Variants in DLEU7 observed in about 807,000 individuals in gnomAD.
DLEU7 encodes the protein leukemia-associated protein 7.
DLEU7 carries 17 observed loss-of-function variants against 16.0 expected under a neutral mutation model. The ratio of observed to expected loss-of-function variants is 1.06; its 90% confidence interval spans 0.73 to 1.59. The LOEUF (loss-of-function observed/expected upper bound fraction) is 1.59. Ranked by LOEUF, DLEU7 falls within the 40% of genes most tolerant of loss-of-function variation. DLEU7 has a pLI of 0.00. For missense variants in DLEU7, 308 were observed against 314.9 expected (o/e 0.98, Z 0.17); for synonymous variants, 113 against 139.8 (o/e 0.81, Z 1.35).
chr13:50,777,355 G>A (rs1875533002), intron 1 of DLEU7, among the ~76,000 whole-genome samples: 1 of 152,184 alleles, frequency 6.6e-6, no homozygotes, highest in Non-Finnish European at 1.5e-5. Flanking sequence ...CTGCCAGCAT[G>A]GCCCGGATAA....
chr13:50,729,032 G>A (rs1313147149), intron 1 of DLEU7, among the ~76,000 whole-genome samples: 1 of 151,664 alleles, frequency 6.6e-6, no homozygotes, highest in Non-Finnish European at 1.5e-5. Context: ...TTATTTATTT[G>A]TCTGTTGTTT....
intron 1 of DLEU7, among the ~76,000 whole-genome samples, chr13:50,787,495 G>A (rs1875819067): frequency 6.6e-6 from 1 of 152,022 alleles, no homozygotes; most frequent in Non-Finnish European, 1.5e-5. Flanking sequence ...TCAAAGGGCG[G>A]CACCCCTCAC....
intron 1 of DLEU7, among the ~76,000 whole-genome samples, chr13:50,812,069 C>CA (rs35178818): frequency 0.7 from 73,129 of 104,474 alleles, 26,210 homozygotes; most frequent in East Asian, 0.88. Context: ...GATTCCATCT[C>CA]AAAAAAAAAA....
intron 1 of DLEU7, among the ~76,000 whole-genome samples, chr13:50,841,428 C>T (rs1877655799): frequency 6.6e-6 from 1 of 152,076 alleles, no homozygotes; most frequent in Non-Finnish European, 1.5e-5. Flanking sequence ...CTCTGAGAAG[C>T]CTTCCAGGGT....
chr13:50,783,668 G>A (rs180727853), intron 1 of DLEU7, among the ~76,000 whole-genome samples: 4 of 152,274 alleles, frequency 2.6e-5, no homozygotes, highest in African/African-American at 4.8e-5. Flanking sequence ...GGCCAATAGC[G>A]TCTCTGCCAC....
At chr13:50,792,912 A>G (rs1876004836) in intron 1 of DLEU7, among the ~76,000 whole-genome samples, 1 of 150,162 alleles carries the variant, frequency 6.7e-6, no homozygotes, top group Admixed American at 6.6e-5. Context: ...GTACATGCAC[A>G]GTTTCGTTAC....
intron 1 of DLEU7, among the ~76,000 whole-genome samples, chr13:50,739,859 G>A (rs908235487): frequency 6.6e-6 from 1 of 152,066 alleles, no homozygotes; most frequent in African/African-American, 2.4e-5. Context: ...GATACATAAT[G>A]ACACTAGACT....
At chr13:50,739,202 C>T (rs371865409) in intron 1 of DLEU7, among the ~76,000 whole-genome samples, 16 of 152,126 alleles carry the variant, frequency 1.1e-4, no homozygotes, top group African/African-American at 2.9e-4. Context: ...AAATTCTTCT[C>T]GGACCTCTCA....
At chr13:50,771,513 C>T (rs7984118) in intron 1 of DLEU7, among the ~76,000 whole-genome samples, 23,721 of 152,124 alleles carry the variant, frequency 0.16, 2,187 homozygotes, top group East Asian at 0.28. Flanking sequence ...GCCTGCATTT[C>T]GTTATGTACC....
At chr13:50,804,311 A>C (rs1876330812) in intron 1 of DLEU7, among the ~76,000 whole-genome samples, 1 of 151,784 alleles carries the variant, frequency 6.6e-6, no homozygotes, top group South Asian at 2.1e-4. Flanking sequence ...AGAATTGAAA[A>C]CTGTCTGATA....
Position 50,726,179 on chromosome 13 carries a change from C to G in DLEU7, c.460-12939G>C, listed in dbSNP as rs1373871314. ...CCTTAGGACACTTAGGTAACATGGC[C>G]TTGCCAACCTCTGGGTGCTATTAGA... On this transcript the variant is annotated intron_variant, in intron 1 of 1. Coordinates refer to the DLEU7 transcript ENST00000400393. This position sits in a 1 kb window ranked among gnomAD's most constrained non-coding sequence, Gnocchi z 4.0. Among the ~76,000 whole-genome samples the G allele has an allele frequency of 6.6e-6, 1 of 152,198 alleles. No homozygotes were observed. Among genetic ancestry groups the G allele is most frequent in the East Asian group, 1.9e-4 (1 of 5,200 alleles).
chr13:50,766,472 T>C (rs199935850), intron 1 of DLEU7, among the ~76,000 whole-genome samples: 7 of 101,198 alleles, frequency 6.9e-5, no homozygotes, highest in African/African-American at 2.0e-4. Context: ...TTGTCTTCCT[T>C]CTCTTCCTAC....
chr13:50,843,503 G>A lies in DLEU7; in HGVS notation c.144C>T (p.Thr48=). 2 of 1,396,348 alleles carry A rather than the reference G, an allele frequency of 1.4e-6. No individual in the cohort carries two copies. Among genetic ancestry groups the A allele is most frequent in the Non-Finnish European group, 1.8e-6 (2 of 1,085,644 alleles). The allele number at this position is 1,396,348 out of a possible 1,614,324, so 86.5% of individuals were successfully genotyped here. Residue 48 remains threonine (T), a synonymous_variant, in exon 1 of 2, where the codon ACC becomes ACT. Coordinates refer to ENST00000504404, the MANE Select transcript of DLEU7 (RefSeq NM_001306135.2). The surrounding 1 kb of genome is among the most constrained non-coding windows in gnomAD (Gnocchi z 5.7). ...GNPRDPDHVS[T]APARRSGPPR... ...GCGGGCCTGAGCGACGGGCTGGAGC[G>A]GTGGACACGTGGTCTGGGTCCCGCG...
chr13:50,716,992 A>G (rs1168880893), intron 1 of DLEU7, among the ~76,000 whole-genome samples: 1 of 152,216 alleles, frequency 6.6e-6, no homozygotes. Flanking sequence ...ATTTAAACCA[A>G]TACAATTCAA....
At chr13:50,740,241 C>A (rs1874215893) in intron 1 of DLEU7, among the ~76,000 whole-genome samples, 1 of 152,182 alleles carries the variant, frequency 6.6e-6, no homozygotes, top group African/African-American at 2.4e-5. Context: ...GTATGCACAA[C>A]AACCTCAAAC....
chr13:50,720,886 A>T (rs1873584628), intron 1 of DLEU7, among the ~76,000 whole-genome samples: 1 of 152,220 alleles, frequency 6.6e-6, no homozygotes, highest in Admixed American at 6.5e-5. Flanking sequence ...ATTTGGCTAT[A>T]TATGAATTTA....
intron 1 of DLEU7, among the ~76,000 whole-genome samples, chr13:50,830,432 T>C (rs949916792): frequency 1.3e-5 from 2 of 152,208 alleles, no homozygotes; most frequent in African/African-American, 4.8e-5. Flanking sequence ...ATGAGACACA[T>C]AGATCATATA....
At chr13:50,798,160 C>A (rs1204123337) in intron 1 of DLEU7, among the ~76,000 whole-genome samples, 1 of 152,122 alleles carries the variant, frequency 6.6e-6, no homozygotes, top group Non-Finnish European at 1.5e-5. Context: ...CTCTACCTGG[C>A]TCTGCAACCA....
At chr13:50,752,802 T>C (rs985476554) in intron 1 of DLEU7, among the ~76,000 whole-genome samples, 2 of 152,092 alleles carry the variant, frequency 1.3e-5, no homozygotes, top group Non-Finnish European at 1.5e-5. Context: ...ACAAGATTTA[T>C]TGCAAAGAGT....
Sources: gnomAD v4.1 joint callset for allele counts (sites outside exome capture counted in the v4.1 genomes callset) on GRCh38, gnomAD v4.1.1 for gene constraint, Gnocchi (gnomAD v3.1) non-coding constraint, MANE v1.5 for transcripts, NCBI Gene and HGNC (gene_info 2026-07-23, HGNC 2026-07-21) for gene names.